The following NOXRED1 variants were observed in gnomAD, a reference collection of about 807,000 sequenced individuals.
The protein encoded by NOXRED1 is NADP-dependent oxidoreductase domain-containing protein 1.
Under a neutral mutation model 30.4 loss-of-function variants are expected in NOXRED1, and 20 were observed. That is an observed-to-expected ratio of 0.66 (90% CI 0.46 to 0.96). The LOEUF is 0.96. Among genes scored for constraint, NOXRED1 ranks in the 40% least tolerant of loss-of-function variants. The probability of loss-of-function intolerance (pLI) is 0.00; values close to 1 mark genes in which losing one functional copy is unlikely to be tolerated. For missense variants in NOXRED1, 374 were observed against 428.0 expected (o/e 0.87, Z 1.11); for synonymous variants, 155 against 168.0 (o/e 0.92, Z 0.60).
chr14:77,405,079 T>C (rs536612779), intron 5 of NOXRED1, among the ~76,000 whole-genome samples: 2 of 152,222 alleles, frequency 1.3e-5, no homozygotes, highest in East Asian at 3.9e-4. Context: ...GAAATACTGG[T>C]ACAAGTGCAC....
At chr14:77,425,215 A>G (rs1323547315), upstream of NOXRED1, among the ~76,000 whole-genome samples, 2 of 152,120 alleles carry the variant, frequency 1.3e-5, no homozygotes, top group East Asian at 1.9e-4. Flanking sequence ...TTCAAGCTCT[A>G]CCACTGGACA....
chr14:77,424,806 G>A (rs1242162323), upstream of NOXRED1, among the ~76,000 whole-genome samples: 2 of 152,192 alleles, frequency 1.3e-5, no homozygotes, highest in African/African-American at 4.8e-5. Flanking sequence ...TATGTTTCCA[G>A]TTAAGGTGGA....
rs773352865 is a variant in NOXRED1 at position 77,422,801 on chromosome 14, G to C, written c.89C>G (p.Ser30Cys). 2.5e-6 allele frequency: 4 copies of C among 1,614,070 alleles called. No individual in the cohort carries two copies. In the East Asian group the frequency reaches 8.9e-5, roughly 36 times the overall value. Reference sequence around the variant, plus strand: ...ACAAGCCTCGATCATCAGTCCCCGAGAACGGCCCTGCAAATACAGCCAGAT... The same window carrying C: ...ACAAGCCTCGATCATCAGTCCCCGACAACGGCCCTGCAAATACAGCCAGAT... ...DRIWLYLQGR[S>C]RGLMIEACAH... Residue 30 changes from serine (S) to cysteine (C), a missense_variant, in exon 1 of 6, where the codon TCT becomes TGT. Ser to Cys is a moderately radical substitution (Grantham distance 112, BLOSUM62 -1). Coordinates refer to ENST00000380835, the MANE Select transcript of NOXRED1 (RefSeq NM_001113475.3).
At chr14:77,418,720 T>A (rs1416245385) in intron 1 of NOXRED1, among the ~76,000 whole-genome samples, 2 of 151,304 alleles carry the variant, frequency 1.3e-5, no homozygotes, top group East Asian at 3.9e-4. Flanking sequence ...TAAGAGATGT[T>A]GTCTCCCTAT....
At chr14:77,410,226 A>G (rs1894612683) in intron 2 of NOXRED1, among the ~76,000 whole-genome samples, 1 of 152,168 alleles carries the variant, frequency 6.6e-6, no homozygotes, top group Non-Finnish European at 1.5e-5. Flanking sequence ...TGAGCCTAGC[A>G]GTTTAAGACT....
intron 5 of NOXRED1, among the ~76,000 whole-genome samples, chr14:77,398,657 C>T (rs895085736): frequency 6.6e-6 from 1 of 152,164 alleles, no homozygotes; most frequent in African/African-American, 2.4e-5. Flanking sequence ...CCCTCCTCAA[C>T]TCCTTACTAC....
intron 2 of NOXRED1, among the ~76,000 whole-genome samples, chr14:77,411,070 C>T (rs991620035): frequency 6.6e-6 from 1 of 152,092 alleles, no homozygotes; most frequent in African/African-American, 2.4e-5. Flanking sequence ...TTGTAATAGC[C>T]AGAAACTGCA....
At chr14:77,420,897 C>G (rs866279537) in intron 1 of NOXRED1, among the ~76,000 whole-genome samples, 13 of 152,268 alleles carry the variant, frequency 8.5e-5, no homozygotes, top group South Asian at 2.1e-4. Context: ...AAGAGTTTTG[C>G]CTGTTTCTAT....
chr14:77,410,651 TAAAG>T (rs1385732016), intron 2 of NOXRED1, among the ~76,000 whole-genome samples: 2 of 151,506 alleles, frequency 1.3e-5, no homozygotes, highest in African/African-American at 2.4e-5. Flanking sequence ...AATACATAAA[TAAAG>T]TAAGTAAGAA....
At position 77,407,569 on chromosome 14, in the gene NOXRED1, G is replaced by A. The variant is rs1424713241; in HGVS notation, c.426C>T (p.Leu142=). ...TAGGCAGCTGAGACGGCAAGCAGCA[G>A]AGGAATATCACATCGGCCCAACTCA... is the stretch of plus-strand genomic sequence containing the variant. ...DLVSWADVIF[L]CCLPSQLPNI... The change falls in exon 3 of 6, where the codon CTC becomes CTT. Residue 142 remains leucine, a synonymous_variant. Transcript: ENST00000380835. 1 of 1,613,992 alleles carries A rather than the reference G, an allele frequency of 6.2e-7. No individual in the cohort carries two copies. The highest frequency in any genetic ancestry group is 1.6e-4 in the Middle Eastern group (1 of 6,062).
At chr14:77,395,709 G>T (rs1352081210) in intron 5 of NOXRED1, among the ~76,000 whole-genome samples, 1 of 149,778 alleles carries the variant, frequency 6.7e-6, no homozygotes, top group Non-Finnish European at 1.5e-5. Flanking sequence ...AGGCTGAGGT[G>T]GGAAATTGCT....
chr14:77,406,935 C>T, intron 3 of NOXRED1, 60 bp from the exon 4 acceptor site: 4 of 1,493,968 alleles, frequency 2.7e-6, no homozygotes, highest in Middle Eastern at 2.1e-4. Flanking sequence ...GACGACATAA[C>T]CCACTGTGTT....
At chr14:77,400,881 G>T (rs1004520702) in intron 5 of NOXRED1, among the ~76,000 whole-genome samples, 4 of 151,940 alleles carry the variant, frequency 2.6e-5, no homozygotes, top group Admixed American at 2.0e-4. Flanking sequence ...TGAAATATGT[G>T]CAAGATCTAC....
intron 2 of NOXRED1, among the ~76,000 whole-genome samples, chr14:77,408,111 G>A (rs951946088): frequency 4.6e-5 from 7 of 152,124 alleles, no homozygotes; most frequent in African/African-American, 4.8e-5. Flanking sequence ...CAGATGATCC[G>A]CCCATCTCGT....
At chr14:77,396,600 C>A (rs1894194232) in intron 5 of NOXRED1, among the ~76,000 whole-genome samples, 1 of 152,020 alleles carries the variant, frequency 6.6e-6, no homozygotes, top group South Asian at 2.1e-4. Context: ...AGCAAGGTTG[C>A]AGGATACAAA....
chr14:77,398,364 G>A (rs920738010), intron 5 of NOXRED1, among the ~76,000 whole-genome samples: 1 of 152,200 alleles, frequency 6.6e-6, no homozygotes, highest in East Asian at 1.9e-4. Flanking sequence ...AGAGCATTCT[G>A]TTCTTAGCAA....
rs1382808549 is a variant in NOXRED1, at chr14:77,423,258, G to A, written c.-369C>T. On this transcript the variant is annotated 5_prime_UTR_variant, in exon 1 of 6. It adds an upstream start codon to the 5' untranslated region. Coordinates refer to ENST00000380835, the MANE Select transcript of NOXRED1 (RefSeq NM_001113475.3). ...TTTACAGGTATTCTTGGGCCAGGAC[G>A]TTTTCCCTTCCATTCCCTCCTGCGT... Among the ~76,000 whole-genome samples the A allele has an allele frequency of 1.3e-5, 2 of 152,138 alleles. No homozygotes were observed. The highest frequency in any genetic ancestry group is 4.8e-5 in the African/African-American group (2 of 41,430).
chr14:77,416,419 G>A (rs1029973071), intron 1 of NOXRED1, among the ~76,000 whole-genome samples: 1 of 152,122 alleles, frequency 6.6e-6, no homozygotes, highest in African/African-American at 2.4e-5. Context: ...GGAGCATGCT[G>A]CCTTCAAGCA....
chr14:77,425,035 C>T (rs1895091009), upstream of NOXRED1, among the ~76,000 whole-genome samples: 1 of 152,196 alleles, frequency 6.6e-6, no homozygotes, highest in African/African-American at 2.4e-5. Flanking sequence ...AGGTGTTTTT[C>T]ATTTCCATGA....
Sources: allele counts gnomAD v4.1 joint callset (sites outside exome capture counted in the v4.1 genomes callset), GRCh38; gene constraint gnomAD v4.1.1; transcripts MANE v1.5; gene names NCBI Gene and HGNC (gene_info 2026-07-23, HGNC 2026-07-21).